JADE3: variants seen among roughly 807,000 people sequenced by gnomAD.
JADE3 encodes protein Jade-3.
A neutral mutation model predicts 50.1 loss-of-function variants in JADE3; 2 were observed. The observed-to-expected ratio is 0.04, with a 90% confidence interval of 0.02 to 0.13. The LOEUF is 0.13. Ranked by LOEUF, JADE3 falls within the 10% of genes least tolerant of loss-of-function variation. The pLI is 1.00. For synonymous variants in JADE3, 218 were observed against 232.9 expected, an observed-to-expected ratio of 0.94 and a Z score of 0.58; for missense variants, 475 against 634.4, an observed-to-expected ratio of 0.75 and a Z score of 2.70.
rs149408959 is a variant in JADE3 at position 47,029,528 on chromosome X, A to G, written c.687+1425A>G. ...GTCAACCCTGGAGGATATGATATGT[A>G]TTTTAGAAAGATCATTCTGGCTACA... On this transcript the variant is annotated intron_variant, in intron 6 of 10. Coordinates refer to ENST00000614628, the MANE Select transcript of JADE3 (RefSeq NM_014735.5). Among the ~76,000 whole-genome samples the G allele has an allele frequency of 5.4e-5, 6 of 112,032 alleles. No homozygotes were observed. The East Asian group carries it at 1.7e-3, about 31-fold the overall frequency.
At chrX:46,972,487 C>T (rs1180131348) in intron 1 of JADE3, among the ~76,000 whole-genome samples, 2 of 112,481 alleles carry the variant, frequency 1.8e-5, no homozygotes, top group Non-Finnish European at 3.8e-5. Context: ...TGAGCCACTG[C>T]ACCCGGCCAC....
intron 1 of JADE3, among the ~76,000 whole-genome samples, chrX:46,958,513 AT>A (rs1556347019): frequency 9.0e-6 from 1 of 110,700 alleles, no homozygotes; most frequent in Admixed American, 9.6e-5. Context: ...TGCAGCCTGC[AT>A]TTTTTTTAAT....
intron 3 of JADE3, among the ~76,000 whole-genome samples, chrX:46,992,846 T>C (rs1928047718): frequency 8.9e-6 from 1 of 112,107 alleles, no homozygotes; most frequent in African/African-American, 3.2e-5. Flanking sequence ...TAATTTATCC[T>C]GTAGAGAAGA....
chrX:47,059,005 C>T lies in JADE3; in HGVS notation c.2400C>T (p.Pro800=). ...ATAGCTCAGACAGGGAAAATCCTCC[C>T]CATGACTCTAGACGGGATTGCCATG... ...RKDSSDRENP[P]HDSRRDCHGK... The change falls in exon 11 of 11, where the codon CCC becomes CCT. Residue 800 remains proline (P), a synonymous_variant. Coordinates refer to ENST00000614628, the MANE Select transcript of JADE3 (RefSeq NM_014735.5). 8.3e-7 allele frequency: 1 copy of T among 1,209,468 alleles called. No individual in the cohort carries two copies. Among genetic ancestry groups the T allele is most frequent in the Non-Finnish European group, 1.1e-6 (1 of 894,459 alleles).
chrX:46,924,866 A>G lies in JADE3; in HGVS notation c.-12+12147A>G, dbSNP rs373689200. On this transcript the variant is annotated intron_variant, in intron 1 of 10. Coordinates refer to ENST00000614628, the MANE Select transcript of JADE3 (RefSeq NM_014735.5). The stretch of plus-strand genomic sequence containing the variant: ...GCATGATTTTATCTATTTAGATTGT[A>G]GATTTTGTTAGTGACCATGTTTTTG... Among the ~76,000 whole-genome samples, 135 of 112,337 alleles carry G rather than the reference A, an allele frequency of 1.2e-3. 2 individuals are homozygous for G. The South Asian group carries it at 0.048, about 40-fold the overall frequency.
At chrX:47,008,858 A>G (rs11796340) in intron 4 of JADE3, among the ~76,000 whole-genome samples, 26,796 of 110,541 alleles carry the variant, frequency 0.24, 3,109 homozygotes, top group Middle Eastern at 0.39. Flanking sequence ...ATGTATGTAG[A>G]TGTGTGTGTC....
At chrX:47,030,331 A>G (rs782472060) in intron 6 of JADE3, among the ~76,000 whole-genome samples, 10 of 111,744 alleles carry the variant, frequency 8.9e-5, no homozygotes, top group Non-Finnish European at 1.7e-4. Flanking sequence ...TCCGGTAATG[A>G]ATATAAATGA....
chrX:46,934,187 G>A (rs1273924606), intron 1 of JADE3, among the ~76,000 whole-genome samples: 1 of 111,513 alleles, frequency 9.0e-6, no homozygotes, highest in African/African-American at 3.3e-5. Flanking sequence ...CCAAGCTGGA[G>A]TGCAGTGGTA....
intron 4 of JADE3, among the ~76,000 whole-genome samples, chrX:47,002,222 T>C (rs1430587027): frequency 9.0e-6 from 1 of 111,533 alleles, no homozygotes; most frequent in Non-Finnish European, 1.9e-5. Context: ...ATGTTTTCTT[T>C]TAAGAGTTTT....
Position 46,936,108 on chromosome X carries a change from TC to T in JADE3, c.-12+23391del, listed in dbSNP as rs782531200. Among the ~76,000 whole-genome samples, 5 of 107,692 alleles carry T rather than the reference TC, an allele frequency of 4.6e-5. No homozygotes were observed. The East Asian group carries it at 8.7e-4, about 19-fold the overall frequency. The allele number at this position is 107,692 out of a possible 115,157, so 93.5% of individuals were successfully genotyped here. ...ATCTTGGCTCACTGAAACCTCCGCT[TC>T]CTGGGTTCAAGCAATTCTCCTGCCT... On this transcript the variant is annotated intron_variant, in intron 1 of 10. Coordinates refer to ENST00000614628, the MANE Select transcript of JADE3 (RefSeq NM_014735.5).
intron 4 of JADE3, among the ~76,000 whole-genome samples, chrX:47,010,536 A>T (rs1266046097): frequency 8.9e-6 from 1 of 112,368 alleles, no homozygotes; most frequent in Non-Finnish European, 1.9e-5. Flanking sequence ...TTAAATCAAG[A>T]TAGAATTCAC....
chrX:47,048,520 T>TA (rs1320496938), intron 8 of JADE3, among the ~76,000 whole-genome samples: 1 of 112,480 alleles, frequency 8.9e-6, no homozygotes, highest in African/African-American at 3.2e-5. Flanking sequence ...AATGAAGTTC[T>TA]AATACATGCT....
At chrX:46,970,354 C>A (rs1927457651) in intron 1 of JADE3, among the ~76,000 whole-genome samples, 1 of 112,535 alleles carries the variant, frequency 8.9e-6, no homozygotes. Flanking sequence ...GCTCCTTTGC[C>A]ATGGGCATTG....
At position 46,943,589 on chromosome X, in the gene JADE3, T is replaced by G. The variant is rs181174282; in HGVS notation, c.-12+30870T>G. Among the ~76,000 whole-genome samples the G allele has an allele frequency of 1.3e-4, 15 of 112,248 alleles. No homozygotes were observed. In the East Asian group the frequency reaches 3.9e-3, roughly 29 times the overall value. ...CCTACTTGATCATGGTGAATTAACTTTTTAATGTGTTGCTGGATTTGGTTT... is the reference window on the plus strand; with the variant it reads ...CCTACTTGATCATGGTGAATTAACTGTTTAATGTGTTGCTGGATTTGGTTT... On this transcript the variant is annotated intron_variant, in intron 1 of 10. Coordinates refer to ENST00000614628, the MANE Select transcript of JADE3 (RefSeq NM_014735.5).
At chrX:46,956,801 T>TTCCCC (rs1475707369) in intron 1 of JADE3, among the ~76,000 whole-genome samples, 4 of 99,620 alleles carry the variant, frequency 4.0e-5, no homozygotes, top group Admixed American at 2.2e-4. Context: ...CCCCTTCCCC[T>TTCCCC]TCCCCTCCCC....
intron 8 of JADE3, among the ~76,000 whole-genome samples, chrX:47,048,325 G>C (rs1283940986): frequency 9.0e-6 from 1 of 111,288 alleles, no homozygotes; most frequent in Non-Finnish European, 1.9e-5. Flanking sequence ...TTTTTTTTTA[G>C]ACAAGGTTAT....
At chrX:46,917,861 C>CAT (rs1556336833) in intron 1 of JADE3, among the ~76,000 whole-genome samples, 2 of 56,416 alleles carry the variant, frequency 3.5e-5, no homozygotes, top group Non-Finnish European at 6.7e-5. Context: ...CTCTCATCCT[C>CAT]TCTCTCTCTC....
intron 1 of JADE3, among the ~76,000 whole-genome samples, chrX:46,959,484 A>G (rs1927209397): frequency 8.9e-6 from 1 of 112,009 alleles, no homozygotes; most frequent in African/African-American, 3.2e-5. Context: ...CAACACAGGC[A>G]TAGTCTCTGC....
chrX:46,982,860 C>T (rs1556353366), intron 1 of JADE3, among the ~76,000 whole-genome samples: 1 of 110,805 alleles, frequency 9.0e-6, no homozygotes, highest in Non-Finnish European at 1.9e-5. Flanking sequence ...TGGAGTTTCA[C>T]TCTTGTCGCC....
Sources: gnomAD v4.1 joint callset for allele counts (sites outside exome capture counted in the v4.1 genomes callset) on GRCh38, gnomAD v4.1.1 for gene constraint, MANE v1.5 for transcripts, NCBI Gene and HGNC (gene_info 2026-07-23, HGNC 2026-07-21) for gene names.